Variants in RPE65 observed in about 807,000 individuals in gnomAD.
RPE65 encodes the protein retinoid isomerohydrolase RPE65, also known as retinoid isomerohydrolase.
In RPE65, 58 loss-of-function variants were observed where a neutral mutation model predicts 68.5. The ratio of observed to expected loss-of-function variants is 0.85; its 90% CI spans 0.69 to 1.05. The LOEUF is 1.05. Ranked by LOEUF, RPE65 falls within the 50% of genes least tolerant of loss-of-function variation. The pLI, the probability that RPE65 is intolerant of heterozygous loss-of-function variation, is 0.00. For synonymous variants in RPE65, 220 were observed against 222.2 expected (o/e 0.99, Z 0.09); for missense variants, 643 against 629.9 (o/e 1.02, Z -0.22).
chr1:68,444,793 G>A lies in RPE65; in HGVS notation c.336C>T (p.Cys112=). ...EFGTCAFPDP[C]KNIFSRFFSY... ...TCAGTAACCTGGAAAATATATTCTTGCAGGGATCTGGGAAAGCACAGGTGC... is the reference window on the plus strand; with the variant it reads ...TCAGTAACCTGGAAAATATATTCTTACAGGGATCTGGGAAAGCACAGGTGC... Residue 112 remains cysteine (C), a synonymous_variant, in exon 4 of 14, where the codon TGC becomes TGT. Coordinates refer to ENST00000262340, the MANE Select transcript of RPE65 (RefSeq NM_000329.3). The A allele has an allele frequency of 6.2e-7, 1 of 1,614,116 alleles. No homozygotes were observed.
intron 1 of RPE65, among the ~76,000 whole-genome samples, chr1:68,449,143 C>T (rs960189879): frequency 1.3e-4 from 20 of 152,270 alleles, no homozygotes; most frequent in Admixed American, 7.2e-4. Flanking sequence ...GCTCAGCTCA[C>T]AGCATCATTG....
In RPE65 at chr1:68,429,440, G is replaced by C; in HGVS notation, c.*336C>G. On this transcript the variant is annotated 3_prime_UTR_variant, in exon 14 of 14. Coordinates refer to ENST00000262340, the MANE Select transcript of RPE65 (RefSeq NM_000329.3). Reference sequence around the variant, plus strand: ...TTTTTAAATGTTAAAAATATAATTGGAGCAGATAGGTACCTAAAATATGCT... The same window carrying C: ...TTTTTAAATGTTAAAAATATAATTGCAGCAGATAGGTACCTAAAATATGCT... 3.4e-6 allele frequency: 1 copy of C among 297,426 alleles called. No individual in the cohort carries two copies. The highest frequency in any genetic ancestry group is 6.4e-6 in the Non-Finnish European group (1 of 155,188). 18.4% of individuals were successfully genotyped at this position (297,426 alleles called of 1,614,324 possible).
Position 68,446,452 on chromosome 1 carries a change from T to C in RPE65, c.245+258A>G, listed in dbSNP as rs553992820. On this transcript the variant is annotated intron_variant, in intron 3 of 13. Coordinates refer to ENST00000262340, the MANE Select transcript of RPE65 (RefSeq NM_000329.3). ...GGTCAACATCTTGCCAAGGTTACCC[T>C]CCTAGGCAAGTCATGTCTGTTGAAT... Among the ~76,000 whole-genome samples, 13 of 152,292 alleles carry C rather than the reference T, an allele frequency of 8.5e-5. No individual in the cohort carries two copies. In the East Asian group the frequency reaches 2.3e-3, roughly 27 times the overall value.
intron 10 of RPE65, among the ~76,000 whole-genome samples, chr1:68,431,808 A>G (rs1645829168): frequency 6.6e-6 from 1 of 152,088 alleles, no homozygotes; most frequent in Admixed American, 6.5e-5. Context: ...ATAACCTCTT[A>G]GGCCATCAAT....
chr1:68,429,600 TAAATAAAG>T lies in RPE65; in HGVS notation c.*168_*175del. ...TTATCTAAATACGTACTTTTTTTTT[TAAATAAAG>T]GAATTGCTTGCTCAACTCAGTGCTT... On this transcript the variant is annotated 3_prime_UTR_variant, in exon 14 of 14. Transcript: ENST00000262340. 4 of 665,522 alleles carry T rather than the reference TAAATAAAG, an allele frequency of 6.0e-6. No individual in the cohort carries two copies. In the Admixed American group the frequency reaches 8.2e-5, roughly 14 times the overall value. 41.2% of individuals were successfully genotyped at this position (665,522 alleles called of 1,614,324 possible).
At chr1:68,444,396 T>A in intron 5 of RPE65, 135 bp downstream of exon 5, 1 of 1,147,454 alleles carries the variant, frequency 8.7e-7, no homozygotes, top group Non-Finnish European at 1.3e-6. Context: ...TGCAGTCCAT[T>A]TGGAGCTTGG....
rs570083260 is a variant in RPE65, at chr1:68,440,771, C to T, written c.643+82G>A. ...AACTATGCACAAAATGCTATTCTGA[C>T]ATTCTTATCTTTCTCACAATACAGT... On this transcript the variant is annotated intron_variant, in intron 6 of 13. Transcript: ENST00000262340. 1.1e-4 allele frequency: 175 copies of T among 1,546,158 alleles called. No individual in the cohort carries two copies. In the African/African-American group the frequency reaches 2.2e-3, roughly 20 times the overall value.
chr1:68,431,373 A>G lies in RPE65; in HGVS notation c.1247T>C (p.Phe416Ser), dbSNP rs532646837. The part of the protein sequence containing the change: ...EVLFSGPRQA[F>S]EFPQINYQKY... ...CTGGTAATTGATTTGAGGAAACTCA[A>G]ATGCTACGAAATAGAGCACATGCTT... The change falls in exon 12 of 14, where the codon TTT becomes TCT. Residue 416 changes from phenylalanine to serine, a missense_variant. By Grantham distance (155) the Phe-to-Ser change is radical. Coordinates refer to ENST00000262340, the MANE Select transcript of RPE65 (RefSeq NM_000329.3). The G allele has an allele frequency of 1.2e-6, 2 of 1,613,898 alleles. No individual in the cohort carries two copies. The highest frequency in any genetic ancestry group is 2.2e-5 in the East Asian group (1 of 44,874).
chr1:68,440,936 C>T lies in RPE65; in HGVS notation c.560G>A (p.Gly187Glu), dbSNP rs752058510. The part of the protein sequence containing the change: ...ATAHPHIEND[G>E]TVYNIGNCFG... ...GCAATTACCAATATTGTAAACGGTT[C>T]CATCATTTTCAATGTGGGGGTGAGC... The change falls in exon 6 of 14, where the codon GGA becomes GAA. Residue 187 changes from glycine to glutamate, a missense_variant. Gly to Glu is a moderately conservative substitution (Grantham distance 98). Coordinates refer to ENST00000262340, the MANE Select transcript of RPE65 (RefSeq NM_000329.3). The T allele has an allele frequency of 2.5e-6, 4 of 1,613,950 alleles. No individual in the cohort carries two copies. The highest frequency in any genetic ancestry group is 3.3e-5 in the Admixed American group (2 of 59,990).
At chr1:68,438,359 A>T (rs368345411) in intron 9 of RPE65, 43 bp from the exon 10 acceptor site, 47 of 1,603,424 alleles carry the variant, frequency 2.9e-5, no homozygotes, top group African/African-American at 1.9e-4. Flanking sequence ...GCAATGACAA[A>T]TAATTTTAGA....
chr1:68,442,562 A>T (rs762342602), intron 5 of RPE65, among the ~76,000 whole-genome samples: 1 of 152,236 alleles, frequency 6.6e-6, no homozygotes, highest in African/African-American at 2.4e-5. Flanking sequence ...TATTTAAGGG[A>T]ATCAGGCTGG....
Position 68,438,208 on chromosome 1 carries a change from T to C in RPE65, c.1107A>G (p.Val369=). ...TTACCTTGTCAATATTCAAAGGAAGTACATATCTCCTAACTTCAGGTTGGG... is the reference window on the plus strand; with the variant it reads ...TTACCTTGTCAATATTCAAAGGAAGCACATATCTCCTAACTTCAGGTTGGG... ...KAPQPEVRRY[V]LPLNIDKADT... The change falls in exon 10 of 14, where the codon GTA becomes GTG. Residue 369 remains valine, a synonymous_variant. Coordinates refer to ENST00000262340, the MANE Select transcript of RPE65 (RefSeq NM_000329.3). The C allele has an allele frequency of 6.2e-7, 1 of 1,613,990 alleles. No homozygotes were observed. Among genetic ancestry groups the C allele is most frequent in the Non-Finnish European group, 8.5e-7 (1 of 1,179,934 alleles).
At position 68,440,900 on chromosome 1, in the gene RPE65, T is replaced by G. The variant is rs1219145736; in HGVS notation, c.596A>C (p.Asn199Thr). The G allele has an allele frequency of 1.2e-6, 2 of 1,613,928 alleles. No individual in the cohort carries two copies. Among genetic ancestry groups the G allele is most frequent in the Non-Finnish European group, 1.7e-6 (2 of 1,179,922 alleles). ...VYNIGNCFGK[N>T]FSIAYNIVKI... ...TACAATGTTGTAGGCAATTGAAAAATTTTTTCCAAAGCAATTACCAATATT... is the reference window on the plus strand; with the variant it reads ...TACAATGTTGTAGGCAATTGAAAAAGTTTTTCCAAAGCAATTACCAATATT... The change falls in exon 6 of 14, where the codon AAT becomes ACT. Residue 199 changes from asparagine (N) to threonine (T), a missense_variant. Transcript: ENST00000262340.
chr1:68,429,956 T>G (rs758178066), intron 13 of RPE65, 29 bp from the exon 14 acceptor site: 19 of 1,612,964 alleles, frequency 1.2e-5, no homozygotes, highest in Non-Finnish European at 1.4e-5. Context: ...TTAGGCAATA[T>G]TGAGTTTTTA....
intron 10 of RPE65, among the ~76,000 whole-genome samples, chr1:68,436,449 T>C (rs1385265255): frequency 5.6e-5 from 3 of 53,734 alleles, no homozygotes; most frequent in Non-Finnish European, 3.5e-5. Flanking sequence ...TACTTCTATT[T>C]ATTTATTTAT....
chr1:68,446,912 G>A, intron 2 of RPE65, 52 bp from the exon 3 acceptor site: 2 of 1,611,252 alleles, frequency 1.2e-6, no homozygotes, highest in Non-Finnish European at 8.5e-7. Context: ...CTTGGGCTAG[G>A]CTTGTCCTTG....
chr1:68,441,521 G>T (rs1226762737), intron 5 of RPE65, among the ~76,000 whole-genome samples: 1 of 151,988 alleles, frequency 6.6e-6, no homozygotes, highest in Non-Finnish European at 1.5e-5. Flanking sequence ...ATAGACTTTA[G>T]GAGAACCATG....
chr1:68,440,603 T>C (rs1010358377), intron 6 of RPE65, among the ~76,000 whole-genome samples: 2 of 152,206 alleles, frequency 1.3e-5, no homozygotes, highest in African/African-American at 4.8e-5. Flanking sequence ...ATATATGTAC[T>C]ACATTTTTAA....
Position 68,448,641 on chromosome 1 carries a change from A to G in RPE65, c.77T>C (p.Leu26Pro), listed in dbSNP as rs766996940. 1 of 1,613,950 alleles carries G rather than the reference A, an allele frequency of 6.2e-7. No homozygotes were observed. The highest frequency in any genetic ancestry group is 1.1e-5 in the South Asian group (1 of 91,052). Residue 26 changes from leucine (L) to proline (P), a missense_variant, in exon 2 of 14, where the codon CTC becomes CCC. Coordinates refer to ENST00000262340, the MANE Select transcript of RPE65 (RefSeq NM_000329.3). Reference sequence around the variant, plus strand: ...AGACCAACCTGTTACATGAGCTGTGAGCGGCGAGGACAGTTCCTCCACAGT... The same window carrying G: ...AGACCAACCTGTTACATGAGCTGTGGGCGGCGAGGACAGTTCCTCCACAGT... ...FETVEELSSPLTAHVTGRIPL... is the reference protein window; with the variant it reads ...FETVEELSSPPTAHVTGRIPL...
Sources: gnomAD v4.1 joint callset for allele counts (sites outside exome capture counted in the v4.1 genomes callset) on GRCh38, gnomAD v4.1.1 for gene constraint, MANE v1.5 for transcripts, NCBI Gene and HGNC (gene_info 2026-07-23, HGNC 2026-07-21) for gene names.